The following TPRX1 variants were observed in gnomAD, a reference collection of about 807,000 sequenced individuals.
TPRX1 encodes tetra-peptide repeat homeobox protein 1.
Under a neutral mutation model 8.1 loss-of-function variants are expected in TPRX1, and 2 were observed. That is an observed-to-expected ratio of 0.25 (90% CI 0.10 to 0.78). The LOEUF (loss-of-function observed/expected upper bound fraction) is 0.78, where lower values mean the gene tolerates loss of function less well. Ranked by LOEUF, TPRX1 falls within the 30% of genes least tolerant of loss-of-function variation. The pLI is 0.70. For missense variants in TPRX1, 517 were observed against 586.9 expected, an observed-to-expected ratio of 0.88 and a Z score of 1.23; for synonymous variants, 257 against 254.1, an observed-to-expected ratio of 1.01 and a Z score of -0.11.
At chr19:47,812,876 C>T (rs946020196) in intron 2 of TPRX1, among the ~76,000 whole-genome samples, 2 of 151,722 alleles carry the variant, frequency 1.3e-5, no homozygotes, top group Admixed American at 6.6e-5. Context: ...GAGGCCGAGG[C>T]GGGTGGATCA....
chr19:47,807,753 A>G (rs1175374543), intron 2 of TPRX1, among the ~76,000 whole-genome samples: 2 of 152,202 alleles, frequency 1.3e-5, no homozygotes, highest in Non-Finnish European at 2.9e-5. Context: ...TGCAAAACTC[A>G]GCATATTGCC....
Position 47,805,517 on chromosome 19 carries a change from G to T in TPRX1, c.152-1844C>A, listed in dbSNP as rs76206299. 4.7e-3 allele frequency among the ~76,000 whole-genome samples: 717 copies of T among 152,242 alleles called. 7 individuals carry two copies. Among genetic ancestry groups the T allele is most frequent in the African/African-American group, 0.016 (684 of 41,532 alleles). ...TTTCCCCATGGCAGGACCCACGTGG[G>T]TTCAGGGATTAGAGAGATTGACAAG... On this transcript the variant is annotated intron_variant, in intron 2 of 3. Coordinates refer to ENST00000535759, the Ensembl canonical transcript of TPRX1.
In TPRX1 at chr19:47,801,953, A is replaced by G. The variant is rs752628196; in HGVS notation, c.1349T>C (p.Phe450Ser). The change falls in exon 4 of 4, where the codon TTC (phenylalanine) becomes TCC (serine). Residue 450 changes from phenylalanine to serine, a missense_variant. Coordinates refer to ENST00000535759, the Ensembl canonical transcript of TPRX1. ...GTCTAGGGGTAGGAGCAGCTCTGTG[A>G]AGTGAGGGAATAACTGGGTGTCTGG... is the stretch of plus-strand genomic sequence containing the variant. 1.9e-6 allele frequency: 3 copies of G among 1,613,932 alleles called. No individual in the cohort carries two copies. The African/African-American group carries it at 4.0e-5, about 22-fold the overall frequency.
At chr19:47,803,758 G>A in intron 2 of TPRX1, 85 bp from the exon 2 acceptor site, 1 of 694,732 alleles carries the variant, frequency 1.4e-6, no homozygotes, top group East Asian at 4.3e-5. Flanking sequence ...ACCAGGCCAG[G>A]AGCCCAGGCA....
intron 2 of TPRX1, among the ~76,000 whole-genome samples, chr19:47,808,699 G>A (rs545299547): frequency 3.2e-4 from 47 of 146,604 alleles, no homozygotes; most frequent in Non-Finnish European, 4.6e-4. Context: ...CAAGTGATCC[G>A]CGCACCTTGG....
chr19:47,812,868 G>T (rs1967795973), intron 2 of TPRX1, among the ~76,000 whole-genome samples: 1 of 151,980 alleles, frequency 6.6e-6, no homozygotes, highest in African/African-American at 2.4e-5. Flanking sequence ...CGCTTTGGGA[G>T]GCCGAGGCGG....
chr19:47,804,146 C>T lies in TPRX1; in HGVS notation c.152-473G>A, dbSNP rs1967711971. On this transcript the variant is annotated intron_variant, in intron 2 of 3. Coordinates refer to ENST00000535759, the Ensembl canonical transcript of TPRX1. ...TCACGGCTCAAGTCAGCCTCCACTT[C>T]CTGGGCTCAAGGAACCCCCCGCCTT... Among the ~76,000 whole-genome samples, 3 of 151,092 alleles carry T rather than the reference C, an allele frequency of 2.0e-5. No individual in the cohort carries two copies. The East Asian group carries it at 5.9e-4, about 30-fold the overall frequency.
At chr19:47,812,879 G>C (rs866752747) in intron 2 of TPRX1, among the ~76,000 whole-genome samples, 1 of 151,978 alleles carries the variant, frequency 6.6e-6, no homozygotes, top group African/African-American at 2.4e-5. Flanking sequence ...GCCGAGGCGG[G>C]TGGATCACTT....
chr19:47,801,993 C>G (rs748672015), exon 4 of TPRX1: 2 of 1,613,632 alleles, frequency 1.2e-6, no homozygotes, highest in African/African-American at 2.7e-5. Context: ...AAGTCGGAGG[C>G]ATCGGGGCTC....
At chr19:47,815,163 T>TATATATA (rs201060804) in intron 2 of TPRX1, among the ~76,000 whole-genome samples, 3 of 86,292 alleles carry the variant, frequency 3.5e-5, no homozygotes, top group African/African-American at 1.7e-4. Context: ...TATATATATA[T>TATATATA]TTTTTTTTTT....
At chr19:47,810,733 C>CA (rs754981352) in intron 2 of TPRX1, among the ~76,000 whole-genome samples, 5 of 152,016 alleles carry the variant, frequency 3.3e-5, no homozygotes, top group Non-Finnish European at 5.9e-5. Flanking sequence ...CTCCTGCCCC[C>CA]AAGAGGCCCA....
At chr19:47,816,529 A>ATTTTT (rs35029272) in intron 2 of TPRX1, among the ~76,000 whole-genome samples, 20 of 114,670 alleles carry the variant, frequency 1.7e-4, no homozygotes, top group African/African-American at 6.3e-4. Flanking sequence ...ACCCCTGGGA[A>ATTTTT]TTTTTTTTTT....
At chr19:47,816,818 C>T (rs1414390740) in intron 2 of TPRX1, among the ~76,000 whole-genome samples, 1 of 152,180 alleles carries the variant, frequency 6.6e-6, no homozygotes, top group African/African-American at 2.4e-5. Flanking sequence ...AGGCGTGAGC[C>T]ACCACGCCCA....
At chr19:47,802,824 G>A (rs1967692530) in exon 4 of TPRX1, 1 of 1,601,038 alleles carries the variant, frequency 6.2e-7, no homozygotes, top group Non-Finnish European at 8.5e-7. Flanking sequence ...GCCGCTGGAA[G>A]GATTCCCGAG....
chr19:47,813,474 C>T (rs1317690201), intron 2 of TPRX1, among the ~76,000 whole-genome samples: 1 of 152,140 alleles, frequency 6.6e-6, no homozygotes, highest in East Asian at 1.9e-4. Flanking sequence ...TCCAGAATTG[C>T]AGGTGGAGGC....
At chr19:47,814,306 C>T (rs1447406301) in intron 2 of TPRX1, among the ~76,000 whole-genome samples, 1 of 152,060 alleles carries the variant, frequency 6.6e-6, no homozygotes, top group Non-Finnish European at 1.5e-5. Flanking sequence ...CTGTTCACCT[C>T]GACCTCCCAA....
At chr19:47,803,180 G>T (rs1438105586) in intron 3 of TPRX1, among the ~76,000 whole-genome samples, 200 bp from the exon 3 acceptor site, 3 of 151,936 alleles carry the variant, frequency 2.0e-5, no homozygotes, top group South Asian at 2.1e-4. Context: ...AGGAGGGTGG[G>T]GTGGGATGGG....
At chr19:47,807,285 G>A (rs10411434) in intron 2 of TPRX1, among the ~76,000 whole-genome samples, 10,105 of 152,134 alleles carry the variant, frequency 0.066, 443 homozygotes, top group Middle Eastern at 0.11. Flanking sequence ...TCGAACTCCT[G>A]AGTTTAAACA....
At chr19:47,807,615 C>T (rs745812608) in intron 2 of TPRX1, among the ~76,000 whole-genome samples, 47 of 152,136 alleles carry the variant, frequency 3.1e-4, no homozygotes, top group Non-Finnish European at 2.6e-4. Flanking sequence ...TCAAGTAATT[C>T]GCTCTCCTTA....
Sources: allele counts gnomAD v4.1 joint callset (sites outside exome capture counted in the v4.1 genomes callset), GRCh38; gene constraint gnomAD v4.1.1; transcripts MANE v1.5; gene names NCBI Gene and HGNC (gene_info 2026-07-23, HGNC 2026-07-21).